FAM3C: variants seen among roughly 807,000 people sequenced by gnomAD.
The protein encoded by FAM3C is protein FAM3C.
FAM3C carries 15 observed loss-of-function variants against 32.5 expected under a neutral mutation model. The ratio of observed to expected loss-of-function variants is 0.46; its 90% CI spans 0.31 to 0.71. The LOEUF is 0.71. Among genes scored for constraint, FAM3C ranks in the 30% least tolerant of loss-of-function variants. The probability of loss-of-function intolerance (pLI) is 0.05; values close to 1 mark genes in which losing one functional copy is unlikely to be tolerated. For synonymous variants in FAM3C, 75 were observed against 86.1 expected, an observed-to-expected ratio of 0.87 and a Z score of 0.72; for missense variants, 175 against 274.4, an observed-to-expected ratio of 0.64 and a Z score of 2.56.
At chr7:121,392,408 T>C (rs1794595288) in intron 1 of FAM3C, among the ~76,000 whole-genome samples, 1 of 152,042 alleles carries the variant, frequency 6.6e-6, no homozygotes, top group African/African-American at 2.4e-5. Context: ...CAGGAAAAAC[T>C]TCCATTTGTA....
intron 5 of FAM3C, 131 bp downstream of exon 5, chr7:121,371,169 A>G (rs1794137257): frequency 8.8e-6 from 10 of 1,138,096 alleles, no homozygotes; most frequent in South Asian, 3.1e-5. Context: ...AAAAAACTAC[A>G]TAACAAAAAT....
chr7:121,353,331 C>T (rs1259344920), intron 8 of FAM3C, among the ~76,000 whole-genome samples: 1 of 152,102 alleles, frequency 6.6e-6, no homozygotes, highest in Non-Finnish European at 1.5e-5. Context: ...TATGAATAAA[C>T]CAAGCTGATT....
chr7:121,354,228 G>A (rs1283874673), intron 8 of FAM3C, among the ~76,000 whole-genome samples: 3 of 152,108 alleles, frequency 2.0e-5, no homozygotes, highest in African/African-American at 7.2e-5. Flanking sequence ...CATAAAGGTT[G>A]GAGATACAAG....
intron 8 of FAM3C, among the ~76,000 whole-genome samples, chr7:121,355,398 T>G (rs1793786454): frequency 6.6e-6 from 1 of 152,156 alleles, no homozygotes; most frequent in South Asian, 2.1e-4. Flanking sequence ...GCAACAAAAT[T>G]TTAGAAATAA....
At chr7:121,379,779 G>A (rs1177075576) in intron 2 of FAM3C, among the ~76,000 whole-genome samples, 1 of 152,180 alleles carries the variant, frequency 6.6e-6, no homozygotes, top group Admixed American at 6.5e-5. Context: ...GGGACAGGGA[G>A]TATGTAGAAA....
intron 1 of FAM3C, among the ~76,000 whole-genome samples, chr7:121,392,375 C>G (rs963209540): frequency 1.3e-5 from 2 of 152,068 alleles, no homozygotes; most frequent in Non-Finnish European, 2.9e-5. Flanking sequence ...CACAAGGCAG[C>G]AGGAGAGAGA....
chr7:121,395,554 TCA>T (rs940272300), intron 1 of FAM3C, among the ~76,000 whole-genome samples: 1 of 151,654 alleles, frequency 6.6e-6, no homozygotes, highest in African/African-American at 2.4e-5. Context: ...AATCCGTCAC[TCA>T]CATATTCAGA....
Position 121,387,377 on chromosome 7 carries a change from C to A in FAM3C, c.-41-4367G>T, listed in dbSNP as rs189032276. On this transcript the variant is annotated intron_variant, in intron 1 of 9. Transcript: ENST00000359943. ...TAACAGTCCAACTTTTTTTGCTGGG[C>A]TACGTGTAGGACATACAACTTCCAC... Among the ~76,000 whole-genome samples the A allele has an allele frequency of 1.1e-4, 17 of 152,242 alleles. No homozygotes were observed. The East Asian group carries it at 3.3e-3, about 29-fold the overall frequency.
intron 5 of FAM3C, 95 bp downstream of exon 5, chr7:121,371,205 A>G (rs1267999707): frequency 8.4e-6 from 12 of 1,422,540 alleles, no homozygotes; most frequent in African/African-American, 1.4e-5. Flanking sequence ...TTAATAAAGT[A>G]TACCGAACAC....
intron 8 of FAM3C, among the ~76,000 whole-genome samples, chr7:121,352,412 G>C (rs1793723742): frequency 6.6e-6 from 1 of 151,684 alleles, no homozygotes; most frequent in African/African-American, 2.4e-5. Context: ...GGGCTGTGGA[G>C]CTGTTTTGGC....
chr7:121,361,077 T>C (rs1793910912), intron 7 of FAM3C, among the ~76,000 whole-genome samples: 1 of 152,184 alleles, frequency 6.6e-6, no homozygotes, highest in South Asian at 2.1e-4. Context: ...GTAGCAAATA[T>C]TACAGTCATT....
Position 121,362,247 on chromosome 7 carries a change from G to A in FAM3C, c.382+650C>T, listed in dbSNP as rs139433049. Among the ~76,000 whole-genome samples, 110 of 152,236 alleles carry A rather than the reference G, an allele frequency of 7.2e-4. 1 individual carries two copies. The highest frequency in any genetic ancestry group is 2.2e-3 in the African/African-American group (91 of 41,534). On this transcript the variant is annotated intron_variant, in intron 7 of 9. Transcript: ENST00000359943. Reference sequence around the variant, plus strand: ...TGGGGTGCCAGTCCCTTGCCTCTGCGTGCTGGTAACTTCTTCCCACTCCTT... The same window carrying A: ...TGGGGTGCCAGTCCCTTGCCTCTGCATGCTGGTAACTTCTTCCCACTCCTT...
At chr7:121,386,043 T>C (rs2908012) in intron 1 of FAM3C, among the ~76,000 whole-genome samples, 5,010 of 152,258 alleles carry the variant, frequency 0.033, 305 homozygotes, top group African/African-American at 0.11. Flanking sequence ...CAAAATGTCA[T>C]GCCAATCAAC....
intron 8 of FAM3C, among the ~76,000 whole-genome samples, chr7:121,354,365 G>C (rs187818124): frequency 6.6e-4 from 100 of 152,230 alleles, no homozygotes; most frequent in Non-Finnish European, 1.2e-3. Context: ...TCTTCAAAAT[G>C]AACAGAAAAT....
chr7:121,353,800 T>C (rs1001200665), intron 8 of FAM3C, among the ~76,000 whole-genome samples: 1 of 152,200 alleles, frequency 6.6e-6, no homozygotes, highest in African/African-American at 2.4e-5. Context: ...TTGACTCCAC[T>C]TGGGAGAAGA....
chr7:121,395,806 G>C (rs1208251067), intron 1 of FAM3C, among the ~76,000 whole-genome samples: 1 of 152,008 alleles, frequency 6.6e-6, no homozygotes, highest in Non-Finnish European at 1.5e-5. Context: ...CACGCTGCAG[G>C]GGCGCGAGCC....
At chr7:121,375,895 C>T (rs139219945) in intron 3 of FAM3C, among the ~76,000 whole-genome samples, 1 of 152,174 alleles carries the variant, frequency 6.6e-6, no homozygotes, top group African/African-American at 2.4e-5. Flanking sequence ...GGCCTATAGA[C>T]AAGTGAAAGC....
intron 1 of FAM3C, among the ~76,000 whole-genome samples, chr7:121,391,144 C>A (rs568825005): frequency 3.9e-5 from 6 of 152,212 alleles, no homozygotes; most frequent in African/African-American, 1.4e-4. Flanking sequence ...AAGTTATAAT[C>A]CACTTAACGA....
chr7:121,390,181 C>T (rs753361569), intron 1 of FAM3C, among the ~76,000 whole-genome samples: 3 of 152,220 alleles, frequency 2.0e-5, no homozygotes, highest in Non-Finnish European at 4.4e-5. Flanking sequence ...TTGCCAGGCA[C>T]TTAATACCCT....
Sources: allele counts gnomAD v4.1 joint callset (sites outside exome capture counted in the v4.1 genomes callset), GRCh38; gene constraint gnomAD v4.1.1; transcripts MANE v1.5; gene names NCBI Gene and HGNC (gene_info 2026-07-23, HGNC 2026-07-21).